Variants in EIF3I observed in about 807,000 individuals in gnomAD.
EIF3I encodes TGF-beta receptor-interacting protein 1.
EIF3I carries 20 observed loss-of-function variants against 43.3 expected under a neutral mutation model. The observed-to-expected ratio is 0.46, with a 90% CI of 0.32 to 0.67. The LOEUF (loss-of-function observed/expected upper bound fraction) is 0.67, where lower values mean the gene tolerates loss of function less well. EIF3I is among the 30% of genes least tolerant of loss of function. The probability of loss-of-function intolerance (pLI) is 0.03; values close to 1 mark genes in which losing one functional copy is unlikely to be tolerated. For synonymous variants in EIF3I, 167 were observed against 151.7 expected (o/e 1.10, Z -0.74); for missense variants, 279 against 421.4 (o/e 0.66, Z 2.96).
At chr1:32,226,351 G>T in intron 5 of EIF3I, 31 bp downstream of exon 5, 1 of 1,613,998 alleles carries the variant, frequency 6.2e-7, no homozygotes, top group Non-Finnish European at 8.5e-7. Flanking sequence ...TGGGGTTGAG[G>T]TAAAGGGTAC....
chr1:32,224,584 G>C (rs906814797), intron 4 of EIF3I, 109 bp downstream of exon 4: 1 of 750,702 alleles, frequency 1.3e-6, no homozygotes, highest in Admixed American at 2.3e-5. Flanking sequence ...ATAGTTTCCA[G>C]TCTAGGGAAT....
intron 4 of EIF3I, 106 bp downstream of exon 4, chr1:32,224,581 C>G (rs1639112440): frequency 2.5e-6 from 2 of 796,948 alleles, no homozygotes; most frequent in Admixed American, 2.1e-5. Context: ...TAGATAGTTT[C>G]CAGTCTAGGG....
chr1:32,227,275 T>TAAAAA (rs1005926284), intron 6 of EIF3I, among the ~76,000 whole-genome samples: 2 of 55,402 alleles, frequency 3.6e-5, no homozygotes, highest in East Asian at 6.0e-4. Context: ...ACCCTGTCTC[T>TAAAAA]AAAAAAAAAA....
chr1:32,229,594 A>G (rs1569863102), intron 9 of EIF3I, among the ~76,000 whole-genome samples: 1 of 126,796 alleles, frequency 7.9e-6, no homozygotes, highest in Admixed American at 9.4e-5. Flanking sequence ...TCTGTCACCC[A>G]GGCTGGAGTG....
intron 4 of EIF3I, among the ~76,000 whole-genome samples, 183 bp downstream of exon 4, chr1:32,224,658 C>CTTTTTTTTTTTTTTT (rs58586351): frequency 7.3e-6 from 1 of 136,346 alleles, no homozygotes; most frequent in Non-Finnish European, 1.6e-5. Context: ...ATTAAGTTTT[C>CTTTTTTTTTTTTTTT]TTTTTTTTTT....
intron 7 of EIF3I, 50 bp downstream of exon 7, chr1:32,228,659 C>G: frequency 6.2e-7 from 1 of 1,604,668 alleles, no homozygotes; most frequent in Non-Finnish European, 8.5e-7. Flanking sequence ...TCCGGCTGCA[C>G]AGCTCACCCT....
intron 2 of EIF3I, among the ~76,000 whole-genome samples, chr1:32,223,293 T>C (rs1045961580): frequency 6.6e-6 from 1 of 152,142 alleles, no homozygotes; most frequent in Non-Finnish European, 1.5e-5. Flanking sequence ...TTTTATTTTA[T>C]TTTTTCTTGA....
chr1:32,224,298 G>A, intron 3 of EIF3I, 112 bp from the exon 4 acceptor site: 1 of 1,102,490 alleles, frequency 9.1e-7, no homozygotes, highest in African/African-American at 1.5e-5. Flanking sequence ...TGGATAAGGA[G>A]GTAAGAGGGG....
chr1:32,232,622 A>G (rs757937170), downstream of EIF3I, among the ~76,000 whole-genome samples: 2 of 152,238 alleles, frequency 1.3e-5, no homozygotes, highest in African/African-American at 2.4e-5. Flanking sequence ...ATAACAATGA[A>G]GATGCAGAGA....
At chr1:32,226,999 A>G (rs1374535275) in intron 6 of EIF3I, among the ~76,000 whole-genome samples, 1 of 151,088 alleles carries the variant, frequency 6.6e-6, no homozygotes, top group African/African-American at 2.4e-5. Flanking sequence ...TGCCTGGGTA[A>G]TTTTTGTATT....
At chr1:32,229,093 T>C (rs373646065) in intron 8 of EIF3I, 42 bp from the exon 9 acceptor site, 93 of 1,570,798 alleles carry the variant, frequency 5.9e-5, no homozygotes, top group Non-Finnish European at 7.9e-5. Flanking sequence ...AAAATGGACT[T>C]GGTGTCCATT....
chr1:32,226,118 G>A, intron 4 of EIF3I, 53 bp from the exon 5 acceptor site: 1 of 1,592,826 alleles, frequency 6.3e-7, no homozygotes, highest in South Asian at 1.1e-5. Flanking sequence ...TCTCTAGAAT[G>A]TCCTCCCTGC....
chr1:32,226,300 T>C (rs1430939136), exon 5 of EIF3I: 1 of 1,614,128 alleles, frequency 6.2e-7, no homozygotes, highest in Non-Finnish European at 8.5e-7. Context: ...TTTTTTGACC[T>C]GCGGGATCCG....
At chr1:32,230,833 AAAT>A (rs1356725152) in intron 10 of EIF3I, 91 bp from the exon 10 acceptor site, 6 of 909,198 alleles carry the variant, frequency 6.6e-6, no homozygotes, top group South Asian at 4.6e-5. Flanking sequence ...CAAAATAAAT[AAAT>A]AATAATAACA....
At chr1:32,230,106 C>T (rs980724658) in intron 9 of EIF3I, among the ~76,000 whole-genome samples, 1 of 150,760 alleles carries the variant, frequency 6.6e-6, no homozygotes, top group South Asian at 2.1e-4. Context: ...AGGCTGGCCT[C>T]GAACTCCTGG....
intron 6 of EIF3I, among the ~76,000 whole-genome samples, chr1:32,226,961 T>C (rs1359714297): frequency 6.6e-6 from 1 of 150,460 alleles, no homozygotes; most frequent in Non-Finnish European, 1.5e-5. Flanking sequence ...GCCTCTTGAG[T>C]AGCTGGGACT....
intron 4 of EIF3I, among the ~76,000 whole-genome samples, 183 bp downstream of exon 4, chr1:32,224,658 C>CTTTTTTTTTTTTTT (rs58586351): frequency 2.9e-5 from 4 of 136,344 alleles, no homozygotes; most frequent in Non-Finnish European, 3.2e-5. Context: ...ATTAAGTTTT[C>CTTTTTTTTTTTTTT]TTTTTTTTTT....
chr1:32,230,928 T>C, exon 11 of EIF3I: 1 of 1,592,122 alleles, frequency 6.3e-7, no homozygotes, highest in Non-Finnish European at 8.5e-7. Context: ...TTCCTCCAGG[T>C]TCTTCCATTT....
intron 2 of EIF3I, among the ~76,000 whole-genome samples, chr1:32,223,708 A>G (rs958121125): frequency 1.3e-5 from 2 of 152,310 alleles, no homozygotes; most frequent in South Asian, 4.2e-4. Flanking sequence ...AGCTGCTCCC[A>G]CTTGGATAAG....
Sources: gnomAD v4.1 joint callset for allele counts (sites outside exome capture counted in the v4.1 genomes callset) on GRCh38, gnomAD v4.1.1 for gene constraint, MANE v1.5 for transcripts, NCBI Gene and HGNC (gene_info 2026-07-23, HGNC 2026-07-21) for gene names.